Variants in ATP10B observed in about 807,000 individuals in gnomAD.
The protein encoded by ATP10B is phospholipid-transporting ATPase VB.
Under a neutral mutation model 141.2 loss-of-function variants are expected in ATP10B, and 122 were observed. The observed-to-expected ratio is 0.86, with a 90% CI of 0.75 to 1.00. The LOEUF (loss-of-function observed/expected upper bound fraction) is 1.00, where lower values mean the gene tolerates loss of function less well. Ranked by LOEUF, ATP10B falls within the 50% of genes least tolerant of loss-of-function variation. The pLI is 0.00. For synonymous variants in ATP10B, 685 were observed against 692.0 expected (o/e 0.99, Z 0.16); for missense variants, 1,876 against 1,825.3 (o/e 1.03, Z -0.51).
intron 1 of ATP10B, among the ~76,000 whole-genome samples, chr5:160,845,258 T>C (rs1234101720): frequency 6.6e-6 from 1 of 152,184 alleles, no homozygotes; most frequent in African/African-American, 2.4e-5. Context: ...CCTGGGATGC[T>C]TTAGCCCGCA....
chr5:160,684,450 TCTC>T (rs1189078792), intron 6 of ATP10B, among the ~76,000 whole-genome samples: 1 of 152,172 alleles, frequency 6.6e-6, no homozygotes, highest in East Asian at 1.9e-4. Context: ...CTGTTGTGCT[TCTC>T]CTAACACAAT....
intron 22 of ATP10B, among the ~76,000 whole-genome samples, chr5:160,591,966 C>T (rs1325622629): frequency 1.3e-5 from 2 of 152,114 alleles, no homozygotes; most frequent in Non-Finnish European, 2.9e-5. Flanking sequence ...TTGGCTTTGC[C>T]CTTCTTTCCT....
the ATP10B span, among the ~76,000 whole-genome samples, chr5:160,902,074 A>G: frequency 3.2e-3 from 484 of 152,350 alleles, 1 homozygote; most frequent in South Asian, 4.6e-3. Flanking sequence ...GATGGAGGAA[A>G]GGTATGAGGT....
chr5:160,759,321 T>C (rs1208216547), intron 2 of ATP10B, among the ~76,000 whole-genome samples: 1 of 152,218 alleles, frequency 6.6e-6, no homozygotes, highest in Non-Finnish European at 1.5e-5. Flanking sequence ...TCTTCTGGAA[T>C]GACGATTGAC....
the ATP10B span, among the ~76,000 whole-genome samples, chr5:160,859,247 C>T: frequency 1.3e-5 from 2 of 151,780 alleles, no homozygotes; most frequent in African/African-American, 2.4e-5. Flanking sequence ...TGGATTGAAA[C>T]TTCTCATATA....
At chr5:160,687,777 T>G (rs749610312) in intron 5 of ATP10B, 23 bp downstream of exon 5, 2 of 1,603,920 alleles carry the variant, frequency 1.2e-6, no homozygotes, top group Admixed American at 3.4e-5. Flanking sequence ...AAAAGAGTAT[T>G]GTTCAGACAA....
At chr5:160,669,397 T>C (rs1308785060) in intron 7 of ATP10B, among the ~76,000 whole-genome samples, 2 of 152,156 alleles carry the variant, frequency 1.3e-5, no homozygotes, top group Admixed American at 6.5e-5. Flanking sequence ...GAGAGGACGG[T>C]AACTTGCCCA....
chr5:160,765,192 C>A (rs1769313796), intron 2 of ATP10B, among the ~76,000 whole-genome samples: 1 of 151,924 alleles, frequency 6.6e-6, no homozygotes, highest in South Asian at 2.1e-4. Flanking sequence ...AAAAATGCCA[C>A]CATTATTCCT....
At chr5:160,667,088 G>A (rs542049179) in intron 7 of ATP10B, among the ~76,000 whole-genome samples, 1 of 152,150 alleles carries the variant, frequency 6.6e-6, no homozygotes, top group East Asian at 1.9e-4. Flanking sequence ...CGTGGTGGCC[G>A]GCACCTGTAG....
At chr5:160,631,611 G>A (rs758690209) in intron 13 of ATP10B, among the ~76,000 whole-genome samples, 27 of 152,220 alleles carry the variant, frequency 1.8e-4, no homozygotes, top group Non-Finnish European at 3.4e-4. Flanking sequence ...AAACACACAT[G>A]CCTTACAGGC....
chr5:160,755,836 AAAATATATATATATATATAT>A (rs1397404761), intron 2 of ATP10B, among the ~76,000 whole-genome samples: 7 of 57,370 alleles, frequency 1.2e-4, no homozygotes, highest in African/African-American at 7.2e-4. Context: ...AAAAAAAAAA[AAAATATATATATATATATAT>A]ATATATATAT....
intron 10 of ATP10B, among the ~76,000 whole-genome samples, chr5:160,639,926 T>A (rs1207186136): frequency 6.6e-6 from 1 of 152,246 alleles, no homozygotes; most frequent in Non-Finnish European, 1.5e-5. Flanking sequence ...CATCAAGCAT[T>A]TGATTCTCAT....
chr5:160,693,221 G>A (rs1396302191), intron 3 of ATP10B, among the ~76,000 whole-genome samples: 1 of 152,076 alleles, frequency 6.6e-6, no homozygotes, highest in South Asian at 2.1e-4. Context: ...GGTATAAAGG[G>A]CATTATTGGA....
intron 7 of ATP10B, among the ~76,000 whole-genome samples, chr5:160,656,512 A>G (rs898967853): frequency 9.9e-5 from 15 of 152,196 alleles, no homozygotes; most frequent in African/African-American, 3.6e-4. Context: ...CTGTCTATAG[A>G]CAGAGTAAAA....
chr5:160,704,914 CTTTTTTT>C (rs1170629163), intron 3 of ATP10B, among the ~76,000 whole-genome samples: 1 of 83,624 alleles, frequency 1.2e-5, no homozygotes, highest in East Asian at 3.8e-4. Context: ...TTTCTTTCAT[CTTTTTTT>C]TTTTTTTTTT....
At chr5:160,634,289 G>T in intron 12 of ATP10B, 65 bp downstream of exon 12, 7 of 1,607,808 alleles carry the variant, frequency 4.4e-6, no homozygotes, top group African/African-American at 1.3e-5. Flanking sequence ...TTATCTCCTC[G>T]TTTCTTAGGA....
At chr5:160,786,264 G>A (rs1241887849) in intron 1 of ATP10B, among the ~76,000 whole-genome samples, 3 of 152,140 alleles carry the variant, frequency 2.0e-5, no homozygotes, top group African/African-American at 7.2e-5. Context: ...AAGCCAACAT[G>A]GGAAATCAAG....
At chr5:160,807,403 G>A (rs979061805) in intron 1 of ATP10B, among the ~76,000 whole-genome samples, 5 of 152,112 alleles carry the variant, frequency 3.3e-5, no homozygotes, top group African/African-American at 1.2e-4. Flanking sequence ...AAAGAGAATG[G>A]GCTGTGCTTT....
At chr5:160,781,315 A>C (rs1417459987) in intron 2 of ATP10B, among the ~76,000 whole-genome samples, 1 of 152,112 alleles carries the variant, frequency 6.6e-6, no homozygotes, top group Non-Finnish European at 1.5e-5. Flanking sequence ...TCTCACTTTG[A>C]ATTGCCAAAT....
Sources: gnomAD v4.1 joint callset for allele counts (sites outside exome capture counted in the v4.1 genomes callset) on GRCh38, gnomAD v4.1.1 for gene constraint, MANE v1.5 for transcripts, NCBI Gene and HGNC (gene_info 2026-07-23, HGNC 2026-07-21) for gene names.